Variants in HIGD1C observed in about 807,000 individuals in gnomAD.
HIGD1C encodes HIG1 hypoxia inducible domain family member 1C.
In HIGD1C, 11 loss-of-function variants were observed where a neutral mutation model predicts 13.1. That is an observed-to-expected ratio of 0.84 (90% CI 0.53 to 1.39). HIGD1C has a LOEUF of 1.39. Ranked by LOEUF, HIGD1C falls within the 40% of genes most tolerant of loss-of-function variation. The probability of loss-of-function intolerance (pLI) is 0.00; values close to 1 mark genes in which losing one functional copy is unlikely to be tolerated. For synonymous variants in HIGD1C, 36 were observed against 37.7 expected, an observed-to-expected ratio of 0.95 and a Z score of 0.17; for missense variants, 110 against 112.0, an observed-to-expected ratio of 0.98 and a Z score of 0.08.
chr12:50,958,466 A>G (rs1199163317), intron 1 of HIGD1C, among the ~76,000 whole-genome samples: 2 of 151,128 alleles, frequency 1.3e-5, no homozygotes, highest in Non-Finnish European at 2.9e-5. Flanking sequence ...TATTTTTAGT[A>G]GAGATGGGGT....
intron 2 of HIGD1C, among the ~76,000 whole-genome samples, chr12:50,965,287 ATT>A (rs77800053): frequency 9.7e-5 from 13 of 134,512 alleles, no homozygotes; most frequent in Non-Finnish European, 1.1e-4. Context: ...CTAATTTTTA[ATT>A]TTTTTTTTTT....
chr12:50,961,095 G>C, exon 2 of HIGD1C: 1 of 1,613,802 alleles, frequency 6.2e-7, no homozygotes, highest in Non-Finnish European at 8.5e-7. Context: ...TTGGAGCTGT[G>C]ACTCTAGGTA....
At chr12:50,963,221 T>C (rs1040622902) in intron 2 of HIGD1C, among the ~76,000 whole-genome samples, 1 of 151,420 alleles carries the variant, frequency 6.6e-6, no homozygotes, top group Middle Eastern at 3.4e-3. Context: ...AATACAAAAA[T>C]TGGCTGGGAG....
downstream of HIGD1C, among the ~76,000 whole-genome samples, chr12:50,972,506 TG>T (rs973424994): frequency 3.9e-5 from 6 of 152,206 alleles, no homozygotes; most frequent in African/African-American, 1.4e-4. Flanking sequence ...TGCCATGTTC[TG>T]GGGTGGTTCC....
intron 1 of HIGD1C, 129 bp from the exon 4 acceptor site, chr12:50,960,839 T>C: frequency 2.7e-6 from 2 of 728,020 alleles, no homozygotes; most frequent in East Asian, 2.8e-5. Flanking sequence ...TGTATCACCA[T>C]GTGTGGCTAA....
At chr12:50,950,918 G>A (rs149702338), upstream of HIGD1C, among the ~76,000 whole-genome samples, 297 of 151,858 alleles carry the variant, frequency 2.0e-3, 1 homozygote, top group African/African-American at 6.0e-3. Flanking sequence ...GACTTCAGGT[G>A]ATCCACCTGC....
intron 1 of HIGD1C, among the ~76,000 whole-genome samples, chr12:50,958,523 C>T (rs1445898282): frequency 2.0e-5 from 3 of 149,782 alleles, no homozygotes; most frequent in Non-Finnish European, 3.0e-5. Context: ...CCTCGTGATC[C>T]GCCCGCCTCG....
At position 50,966,733 on chromosome 12, in the gene HIGD1C, G is replaced by A. The variant is rs138628249; in HGVS notation, c.230-3709G>A. The stretch of plus-strand genomic sequence containing the variant: ...AAAGGAGTCTCACTAAAATTTAAGT[G>A]TTCAAAGACCCATTTCATTTATGTC... On this transcript the variant is annotated intron_variant, in intron 2 of 2. Coordinates refer to ENST00000398455, the Ensembl canonical transcript of HIGD1C. 1.6e-3 allele frequency among the ~76,000 whole-genome samples: 244 copies of A among 152,294 alleles called. 1 individual carries two copies. The highest frequency in any genetic ancestry group is 5.6e-3 in the African/African-American group (234 of 41,564).
chr12:50,949,806 T>G (rs1272567526), upstream of HIGD1C, among the ~76,000 whole-genome samples: 1 of 152,034 alleles, frequency 6.6e-6, no homozygotes, highest in Admixed American at 6.6e-5. Flanking sequence ...AGTGCTGGGA[T>G]TAAGGCGTGA....
chr12:50,970,911 C>G (rs1356735173), downstream of HIGD1C, among the ~76,000 whole-genome samples: 2 of 151,912 alleles, frequency 1.3e-5, no homozygotes, highest in African/African-American at 2.4e-5. Context: ...TGGAGTCTTA[C>G]TCTGTTGCCC....
chr12:50,956,406 G>T (rs1939097574), intron 1 of HIGD1C, among the ~76,000 whole-genome samples: 1 of 152,016 alleles, frequency 6.6e-6, no homozygotes, highest in Non-Finnish European at 1.5e-5. Context: ...AAAAAAATTG[G>T]ATATATATCA....
chr12:50,961,098 T>C (rs1415472511), exon 2 of HIGD1C: 12 of 1,613,750 alleles, frequency 7.4e-6, no homozygotes, highest in Non-Finnish European at 1.0e-5. Context: ...GAGCTGTGAC[T>C]CTAGGTAACC....
At chr12:50,950,651 G>A (rs1413596179), upstream of HIGD1C, among the ~76,000 whole-genome samples, 2 of 144,920 alleles carry the variant, frequency 1.4e-5, no homozygotes, top group East Asian at 2.0e-4. Flanking sequence ...TTACAGGCAC[G>A]CACCATCATG....
At chr12:50,931,736 A>T in the HIGD1C span, 1 of 146,330 alleles carries the variant, frequency 6.8e-6, no homozygotes, top group Non-Finnish European at 1.5e-5. Context: ...AAAAAAAAAG[A>T]AGTAGAGACA....
At chr12:50,961,818 A>G (rs4768941) in intron 2 of HIGD1C, among the ~76,000 whole-genome samples, 27,833 of 152,116 alleles carry the variant, frequency 0.18, 2,909 homozygotes, top group East Asian at 0.5. Flanking sequence ...GTAGGATGGA[A>G]ATTACAGAAT....
In HIGD1C at chr12:50,968,092, T is replaced by G. The variant is rs74702753; in HGVS notation, c.230-2350T>G. ...CAGAGCGAGGCATTGTCTCAAATAATAAGAAGAAGAAGGAGGAGGAGGAGG... is the reference window on the plus strand; with the variant it reads ...CAGAGCGAGGCATTGTCTCAAATAAGAAGAAGAAGAAGGAGGAGGAGGAGG... On this transcript the variant is annotated intron_variant, in intron 2 of 2. Coordinates refer to ENST00000398455, the Ensembl canonical transcript of HIGD1C. Among the ~76,000 whole-genome samples, 472 of 146,390 alleles carry G rather than the reference T, an allele frequency of 3.2e-3. 1 individual carries two copies. The highest frequency in any genetic ancestry group is 0.01 in the African/African-American group (420 of 40,140).
intron 2 of HIGD1C, among the ~76,000 whole-genome samples, chr12:50,968,701 C>T (rs987086178): frequency 1.3e-5 from 2 of 152,062 alleles, no homozygotes; most frequent in Non-Finnish European, 2.9e-5. Flanking sequence ...GTCACCACAC[C>T]TGGCTAATTT....
chr12:50,932,073 T>A, the HIGD1C span: 1 of 152,168 alleles, frequency 6.6e-6, no homozygotes, highest in East Asian at 1.9e-4. Context: ...GTTTAGTATA[T>A]CCATAAAACT....
intron 1 of HIGD1C, among the ~76,000 whole-genome samples, chr12:50,957,185 C>T (rs1939127130): frequency 6.6e-6 from 1 of 151,734 alleles, no homozygotes; most frequent in Non-Finnish European, 1.5e-5. Flanking sequence ...TCCAAACATG[C>T]TATCCACATA....
Sources: gnomAD v4.1 joint callset for allele counts (sites outside exome capture counted in the v4.1 genomes callset) on GRCh38, gnomAD v4.1.1 for gene constraint, MANE v1.5 for transcripts, NCBI Gene and HGNC (gene_info 2026-07-23, HGNC 2026-07-21) for gene names.